GMDS: variants seen among roughly 807,000 people sequenced by gnomAD.
The protein encoded by GMDS is GDP-mannose 4,6-dehydratase.
GMDS carries 20 observed loss-of-function variants against 49.9 expected under a neutral mutation model. The observed-to-expected ratio is 0.40, with a 90% CI of 0.28 to 0.58. The LOEUF (loss-of-function observed/expected upper bound fraction) is 0.58, where lower values mean the gene tolerates loss of function less well. GMDS is among the 20% of genes least tolerant of loss of function. The pLI is 0.42. For synonymous variants in GMDS, 177 were observed against 178.6 expected (o/e 0.99, Z 0.07); for missense variants, 362 against 481.4 (o/e 0.75, Z 2.32).
intron 7 of GMDS, among the ~76,000 whole-genome samples, chr6:1,855,544 G>C (rs981512677): frequency 5.9e-5 from 9 of 152,150 alleles, no homozygotes; most frequent in African/African-American, 2.2e-4. Context: ...CAAGTATTGA[G>C]AGGGTACCTG....
chr6:2,038,462 C>T (rs1769436551), intron 4 of GMDS, among the ~76,000 whole-genome samples: 2 of 152,168 alleles, frequency 1.3e-5, no homozygotes, highest in South Asian at 4.1e-4. Flanking sequence ...ACTCCTGGTC[C>T]CCACCTCCAC....
chr6:2,157,944 CTGTT>C (rs1777189477), intron 1 of GMDS, among the ~76,000 whole-genome samples: 1 of 152,152 alleles, frequency 6.6e-6, no homozygotes, highest in Admixed American at 6.5e-5. Context: ...AGAGACATCT[CTGTT>C]TGGAAATGGG....
intron 4 of GMDS, among the ~76,000 whole-genome samples, chr6:2,114,036 A>T (rs927134659): frequency 6.6e-6 from 1 of 152,238 alleles, no homozygotes; most frequent in Non-Finnish European, 1.5e-5. Flanking sequence ...AAACACTATC[A>T]TGATCACTAC....
At chr6:1,826,080 C>G (rs9501775) in intron 7 of GMDS, among the ~76,000 whole-genome samples, 47,105 of 151,992 alleles carry the variant, frequency 0.31, 7,308 homozygotes, top group East Asian at 0.42. Flanking sequence ...AAGCCTGCAG[C>G]ACTGGAAGTT....
chr6:2,060,307 C>T (rs551837820), intron 4 of GMDS, among the ~76,000 whole-genome samples: 7 of 152,268 alleles, frequency 4.6e-5, no homozygotes, highest in African/African-American at 1.2e-4. Flanking sequence ...GCTCGTTTTT[C>T]GTTTTTTTGT....
intron 4 of GMDS, among the ~76,000 whole-genome samples, chr6:1,983,503 C>A (rs2127349951): frequency 6.6e-6 from 1 of 152,074 alleles, no homozygotes; most frequent in South Asian, 2.1e-4. Flanking sequence ...TAACATCCAT[C>A]ATCCATTAGG....
At chr6:2,124,084 T>C (rs1191731164) in intron 2 of GMDS, among the ~76,000 whole-genome samples, 9 of 151,956 alleles carry the variant, frequency 5.9e-5, no homozygotes, top group African/African-American at 2.2e-4. Context: ...TACATGTATA[T>C]ATCTGAAAAA....
At chr6:1,938,897 A>G (rs558788267) in intron 6 of GMDS, among the ~76,000 whole-genome samples, 1 of 151,184 alleles carries the variant, frequency 6.6e-6, no homozygotes, top group East Asian at 2.0e-4. Context: ...TCCTTCAGCA[A>G]TCTAATCTAA....
At chr6:1,699,742 T>C (rs1412181903) in intron 9 of GMDS, among the ~76,000 whole-genome samples, 3 of 152,104 alleles carry the variant, frequency 2.0e-5, no homozygotes, top group African/African-American at 7.2e-5. Flanking sequence ...CTCAATCCCA[T>C]TTGCAAAGTC....
At chr6:1,813,930 A>C (rs1770553564) in intron 7 of GMDS, among the ~76,000 whole-genome samples, 1 of 152,234 alleles carries the variant, frequency 6.6e-6, no homozygotes, top group Admixed American at 6.5e-5. Flanking sequence ...AGACATATAG[A>C]GCCTGAATTG....
intron 9 of GMDS, among the ~76,000 whole-genome samples, chr6:1,652,387 A>C: frequency 1.5e-4 from 1 of 6,820 alleles, no homozygotes; most frequent in East Asian, 4.9e-3. Flanking sequence ...AAAAATATAT[A>C]TATATTATAT....
At position 1,794,379 on chromosome 6, in the gene GMDS, T is replaced by TTTAAA. The variant is rs377409226; in HGVS notation, c.772-51798_772-51794dup. On this transcript the variant is annotated intron_variant, in intron 7 of 10. Coordinates refer to ENST00000380815, the MANE Select transcript of GMDS (RefSeq NM_001500.4). ...TAAACCACTGAGGTGGTACAAAACA[T>TTTAAA]TTAAATAAACAAAGACACATGTATA... Among the ~76,000 whole-genome samples the TTTAAA allele has an allele frequency of 6.7e-3, 1,013 of 151,834 alleles. 6 individuals are homozygous for TTTAAA. The highest frequency in any genetic ancestry group is 0.011 in the Non-Finnish European group (745 of 67,968).
At chr6:2,154,385 T>C (rs1776997675) in intron 1 of GMDS, among the ~76,000 whole-genome samples, 1 of 152,142 alleles carries the variant, frequency 6.6e-6, no homozygotes. Context: ...TAAATTTTCT[T>C]TTCTATTCAG....
intron 4 of GMDS, among the ~76,000 whole-genome samples, chr6:2,015,996 G>A (rs1397358954): frequency 6.6e-6 from 1 of 151,252 alleles, no homozygotes; most frequent in Non-Finnish European, 1.5e-5. Context: ...CCAGCACTTT[G>A]GGAGGCCGAG....
intron 7 of GMDS, among the ~76,000 whole-genome samples, chr6:1,882,583 C>T (rs1383917061): frequency 6.6e-6 from 1 of 152,044 alleles, no homozygotes; most frequent in Non-Finnish European, 1.5e-5. Context: ...AAGGACTTTG[C>T]ATAGGGAGTT....
chr6:1,949,459 C>T (rs367604053), intron 6 of GMDS, among the ~76,000 whole-genome samples: 1 of 152,202 alleles, frequency 6.6e-6, no homozygotes. Context: ...TTACAAAACA[C>T]TGAAAAACAA....
At chr6:1,852,067 T>C (rs562802465) in intron 7 of GMDS, among the ~76,000 whole-genome samples, 1 of 152,366 alleles carries the variant, frequency 6.6e-6, no homozygotes, top group Admixed American at 6.5e-5. Context: ...TTCTGGACAG[T>C]GCCATCTACT....
At chr6:1,676,865 G>C (rs1402544014) in intron 9 of GMDS, among the ~76,000 whole-genome samples, 1 of 152,140 alleles carries the variant, frequency 6.6e-6, no homozygotes, top group Non-Finnish European at 1.5e-5. Flanking sequence ...TCAGGACATA[G>C]GCATGGGCAA....
At chr6:2,038,900 TA>T (rs1175001457) in intron 4 of GMDS, among the ~76,000 whole-genome samples, 3 of 152,218 alleles carry the variant, frequency 2.0e-5, no homozygotes, top group African/African-American at 7.2e-5. Flanking sequence ...GTCCCTCATT[TA>T]GATTTGTGGA....
Sources: gnomAD v4.1 joint callset for allele counts (sites outside exome capture counted in the v4.1 genomes callset) on GRCh38, gnomAD v4.1.1 for gene constraint, MANE v1.5 for transcripts, NCBI Gene and HGNC (gene_info 2026-07-23, HGNC 2026-07-21) for gene names.